Variants in DOCK4 observed in about 807,000 individuals in gnomAD.
The protein encoded by DOCK4 is dedicator of cytokinesis 4.
In DOCK4, 97 loss-of-function variants were observed where a neutral mutation model predicts 268.1. The ratio of observed to expected loss-of-function variants is 0.36; its 90% confidence interval spans 0.31 to 0.43. The LOEUF is 0.43. Among genes scored for constraint, DOCK4 ranks in the 20% least tolerant of loss-of-function variants. DOCK4 has a pLI of 1.00. For missense variants in DOCK4, 2,145 were observed against 2,455.7 expected (o/e 0.87, Z 2.67); for synonymous variants, 954 against 887.2 (o/e 1.08, Z -1.34).
At chr7:112,189,858 G>A (rs1299465757) in intron 1 of DOCK4, among the ~76,000 whole-genome samples, 6 of 148,124 alleles carry the variant, frequency 4.1e-5, no homozygotes, top group East Asian at 4.2e-4. Flanking sequence ...CTGGGATTAC[G>A]GGCATGAGTC....
chr7:111,736,518 T>C (rs1388420222), intron 50 of DOCK4, among the ~76,000 whole-genome samples: 1 of 152,108 alleles, frequency 6.6e-6, no homozygotes, highest in Non-Finnish European at 1.5e-5. Context: ...AAACAACACA[T>C]GAGTTGGCTG....
At chr7:111,921,822 C>A (rs78954857) in intron 12 of DOCK4, among the ~76,000 whole-genome samples, 5,937 of 152,262 alleles carry the variant, frequency 0.039, 352 homozygotes, top group East Asian at 0.29. Flanking sequence ...TCCTCCCTAC[C>A]ATGAGTATCA....
chr7:111,783,981 C>T (rs1482452842), intron 33 of DOCK4, 29 bp from the exon 34 acceptor site: 2 of 1,576,966 alleles, frequency 1.3e-6, no homozygotes, highest in African/African-American at 2.7e-5. Context: ...GGGGCATTTT[C>T]AACATTTATT....
At chr7:111,900,591 A>T (rs1296444010) in intron 14 of DOCK4, 55 bp from the exon 15 acceptor site, 3 of 1,551,460 alleles carry the variant, frequency 1.9e-6, no homozygotes, top group Non-Finnish European at 1.7e-6. Flanking sequence ...AGATCTTTTG[A>T]AAAGGCAGAG....
rs1439291649 is a variant in DOCK4 at position 112,206,178 on chromosome 7, C to T, written c.-40G>A. 3 of 1,553,972 alleles carry T rather than the reference C, an allele frequency of 1.9e-6. No homozygotes were observed. Among genetic ancestry groups the T allele is most frequent in the Non-Finnish European group, 2.6e-6 (3 of 1,147,046 alleles). On this transcript the variant is annotated 5_prime_UTR_variant, in exon 1 of 53. Coordinates refer to ENST00000428084, the MANE Select transcript of DOCK4 (RefSeq NM_001363540.2). ...CGGGGTCTTCAGGCTTTGTAATCCC[C>T]GCGCCCCTTCTCCGGCTCACAACAA...
chr7:112,173,607 T>C (rs1211151706), intron 1 of DOCK4, among the ~76,000 whole-genome samples: 2 of 151,882 alleles, frequency 1.3e-5, no homozygotes, highest in Non-Finnish European at 1.5e-5. Flanking sequence ...TAGGTATTAG[T>C]TGGGTAATAT....
At chr7:112,172,930 A>G (rs1818204695) in intron 1 of DOCK4, among the ~76,000 whole-genome samples, 1 of 152,144 alleles carries the variant, frequency 6.6e-6, no homozygotes, top group African/African-American at 2.4e-5. Context: ...GTAATGAAAG[A>G]CCCCGTAACT....
intron 1 of DOCK4, among the ~76,000 whole-genome samples, chr7:112,101,890 T>G (rs907730031): frequency 2.6e-5 from 4 of 151,696 alleles, no homozygotes; most frequent in African/African-American, 7.3e-5. Flanking sequence ...TTGCCCAGGC[T>G]GGAGTGCAGT....
Position 111,977,170 on chromosome 7 carries a change from G to A in DOCK4, c.663C>T (p.Ile221=), listed in dbSNP as rs775731839. Residue 221 remains isoleucine, a synonymous_variant, in exon 8 of 53, where the codon ATC becomes ATT. Coordinates refer to ENST00000428084, the MANE Select transcript of DOCK4 (RefSeq NM_001363540.2). ...TCTCTTTACTGTCAAAGAGTGAGAA[G>A]ATGACCTCCAGCTCCTCTCCCAGGT... ...CSNLGEELEV[I]FSLFDSKENR... 1.4e-5 allele frequency: 22 copies of A among 1,612,896 alleles called. No homozygotes were observed. The highest frequency in any genetic ancestry group is 2.2e-5 in the South Asian group (2 of 90,674).
intron 5 of DOCK4, among the ~76,000 whole-genome samples, chr7:111,991,961 C>CAAA (rs60667093): frequency 2.7e-4 from 14 of 50,914 alleles, no homozygotes; most frequent in African/African-American, 8.2e-4. Flanking sequence ...ACTCTGTCTC[C>CAAA]AAAAAAAAAA....
chr7:111,948,135 C>A (rs927103509), intron 8 of DOCK4, among the ~76,000 whole-genome samples: 1 of 152,130 alleles, frequency 6.6e-6, no homozygotes, highest in Non-Finnish European at 1.5e-5. Context: ...GGGAATTTAC[C>A]ATTTGACAGG....
chr7:112,046,308 AT>A lies in DOCK4; in HGVS notation c.38-42178del, dbSNP rs1291231537. On this transcript the variant is annotated intron_variant, in intron 1 of 52. Transcript: ENST00000428084. ...GAATTCTCAAAAGAAAGCATTCTTC[AT>A]TTGTTCTGCCTTGAATCATTTAAGA... 3.9e-5 allele frequency among the ~76,000 whole-genome samples: 6 copies of A among 152,212 alleles called. No homozygotes were observed. The South Asian group carries it at 1.2e-3, about 32-fold the overall frequency.
Position 111,937,092 on chromosome 7 carries a change from ACAAAACT to A in DOCK4, c.978-1471_978-1465del, listed in dbSNP as rs1226557202. 4.6e-5 allele frequency among the ~76,000 whole-genome samples: 7 copies of A among 151,096 alleles called. No individual in the cohort carries two copies. The East Asian group carries it at 6.0e-4, about 13-fold the overall frequency. On this transcript the variant is annotated intron_variant, in intron 11 of 52. Transcript: ENST00000428084. ...ATTCCAGAATTCATGCTTTTAACCTACAAAACTCAAAACTCAAAACAAACAAACAAAC... is the reference window on the plus strand; with the variant it reads ...ATTCCAGAATTCATGCTTTTAACCTACAAAACTCAAAACAAACAAACAAAC...
At chr7:112,018,046 G>A (rs1023754158) in intron 1 of DOCK4, among the ~76,000 whole-genome samples, 6 of 147,802 alleles carry the variant, frequency 4.1e-5, no homozygotes, top group South Asian at 2.1e-4. Context: ...AAAATTAGCC[G>A]GGCATGGTGG....
In DOCK4 at chr7:112,199,589, T is replaced by A. The variant is rs1239373819; in HGVS notation, c.37+6513A>T. ...GGCTTGGGGAACTTTAATTCCTTAT[T>A]TTTTTGTCTTATATACTCTAGCCAA... On this transcript the variant is annotated intron_variant, in intron 1 of 52. Coordinates refer to ENST00000428084, the MANE Select transcript of DOCK4 (RefSeq NM_001363540.2). 2.0e-5 allele frequency among the ~76,000 whole-genome samples: 3 copies of A among 152,156 alleles called. No homozygotes were observed. In the East Asian group the frequency reaches 5.8e-4, roughly 29 times the overall value.
chr7:111,758,609 A>G lies in DOCK4; in HGVS notation c.4329+15T>C, dbSNP rs996261407. 6.2e-7 allele frequency: 1 copy of G among 1,613,168 alleles called. No individual in the cohort carries two copies. Among genetic ancestry groups the G allele is most frequent in the East Asian group, 2.2e-5 (1 of 44,860 alleles). On this transcript the variant is annotated intron_variant, in intron 41 of 52. Transcript: ENST00000428084. Reference sequence around the variant, plus strand: ...CTATCTGAGGAGTTAGCATGTAATAAGAATTGCATGGTACCTTGAATTCAT... The same window carrying G: ...CTATCTGAGGAGTTAGCATGTAATAGGAATTGCATGGTACCTTGAATTCAT...
At chr7:112,160,032 T>C (rs779939467) in intron 1 of DOCK4, among the ~76,000 whole-genome samples, 7 of 152,042 alleles carry the variant, frequency 4.6e-5, no homozygotes, top group Non-Finnish European at 8.8e-5. Flanking sequence ...AGATTTGGGA[T>C]GCTCAACCAG....
chr7:111,899,689 G>A (rs533522342), intron 15 of DOCK4, among the ~76,000 whole-genome samples: 7 of 152,144 alleles, frequency 4.6e-5, no homozygotes, highest in African/African-American at 1.7e-4. Flanking sequence ...TTGGGAGGCC[G>A]AGGCGGGTGG....
intron 7 of DOCK4, among the ~76,000 whole-genome samples, chr7:111,983,545 T>C (rs1353435988): frequency 6.6e-6 from 1 of 152,086 alleles, no homozygotes; most frequent in Non-Finnish European, 1.5e-5. Flanking sequence ...TAGGTACATT[T>C]CATACAATTT....
Sources: allele counts gnomAD v4.1 joint callset (sites outside exome capture counted in the v4.1 genomes callset), GRCh38; gene constraint gnomAD v4.1.1; transcripts MANE v1.5; gene names NCBI Gene and HGNC (gene_info 2026-07-23, HGNC 2026-07-21).